The following TXNDC15 variants were observed in gnomAD, a reference collection of about 807,000 sequenced individuals.
The protein encoded by TXNDC15 is thioredoxin domain containing 15.
A neutral mutation model predicts 35.0 loss-of-function variants in TXNDC15; 24 were observed. The ratio of observed to expected loss-of-function variants is 0.68; its 90% confidence interval spans 0.50 to 0.96. TXNDC15 has a LOEUF of 0.96. Among genes scored for constraint, TXNDC15 ranks in the 40% least tolerant of loss-of-function variants. The probability of loss-of-function intolerance (pLI) is 0.00; values close to 1 mark genes in which losing one functional copy is unlikely to be tolerated. For missense variants in TXNDC15, 385 were observed against 453.3 expected (o/e 0.85, Z 1.37); for synonymous variants, 169 against 174.0 (o/e 0.97, Z 0.23).
At chr5:134,894,434 C>A (rs1699263447) in intron 3 of TXNDC15, among the ~76,000 whole-genome samples, 1 of 144,778 alleles carries the variant, frequency 6.9e-6, no homozygotes, top group Non-Finnish European at 1.5e-5. Flanking sequence ...ATGGTGTGAT[C>A]TAGGCTCACT....
At chr5:134,898,706 G>T (rs1405224952) in intron 4 of TXNDC15, among the ~76,000 whole-genome samples, 1 of 152,188 alleles carries the variant, frequency 6.6e-6, no homozygotes, top group Non-Finnish European at 1.5e-5. Context: ...ACAAATCTGG[G>T]AGTCAGAGCA....
intron 4 of TXNDC15, 124 bp downstream of exon 4, chr5:134,896,548 T>G (rs1330593395): frequency 1.6e-6 from 2 of 1,219,900 alleles, no homozygotes; most frequent in African/African-American, 3.1e-5. Context: ...GTTGTAAAAC[T>G]TCTCTTCTAA....
chr5:134,893,683 C>G (rs1750434083), intron 3 of TXNDC15, 28 bp downstream of exon 3: 3 of 1,613,034 alleles, frequency 1.9e-6, no homozygotes, highest in Non-Finnish European at 2.5e-6. Flanking sequence ...GGTTTACGTC[C>G]ATCCTCCTGG....
chr5:134,898,738 G>C (rs141652867), intron 4 of TXNDC15, among the ~76,000 whole-genome samples: 1 of 152,130 alleles, frequency 6.6e-6, no homozygotes, highest in Non-Finnish European at 1.5e-5. Flanking sequence ...CCCTGTTTCC[G>C]TTGGTGGCTT....
intron 2 of TXNDC15, among the ~76,000 whole-genome samples, chr5:134,889,141 C>T (rs558195986): frequency 6.6e-6 from 1 of 152,340 alleles, no homozygotes; most frequent in South Asian, 2.1e-4. Context: ...CTGTGGGACT[C>T]CCACAGGTGT....
At chr5:134,882,948 T>C (rs1298192897) in intron 1 of TXNDC15, among the ~76,000 whole-genome samples, 2 of 152,226 alleles carry the variant, frequency 1.3e-5, no homozygotes, top group African/African-American at 2.4e-5. Flanking sequence ...TCTTATAGAG[T>C]GCAATTTTCA....
intron 1 of TXNDC15, among the ~76,000 whole-genome samples, chr5:134,885,646 G>T (rs1468546501): frequency 6.6e-6 from 1 of 152,162 alleles, no homozygotes; most frequent in Non-Finnish European, 1.5e-5. Context: ...GGTCTCCTTG[G>T]ACTCTTAGCT....
At chr5:134,884,417 T>G (rs549870140) in intron 1 of TXNDC15, among the ~76,000 whole-genome samples, 12 of 151,338 alleles carry the variant, frequency 7.9e-5, no homozygotes, top group Non-Finnish European at 1.6e-4. Flanking sequence ...CCAGGCTAAT[T>G]TTGTATTTTT....
intron 1 of TXNDC15, among the ~76,000 whole-genome samples, chr5:134,884,371 C>T (rs1750232671): frequency 6.7e-6 from 1 of 149,766 alleles, no homozygotes; most frequent in African/African-American, 2.5e-5. Context: ...GCCTCAGCCT[C>T]CCAAAAAGCT....
chr5:134,883,594 A>AAAAAAAAAAAG, intron 1 of TXNDC15, among the ~76,000 whole-genome samples: 2 of 143,804 alleles, frequency 1.4e-5, no homozygotes, highest in African/African-American at 5.0e-5. Flanking sequence ...TCTCAAAAAA[A>AAAAAAAAAAAG]AAAAAAAAAA....
chr5:134,877,727 C>T (rs1410018400), intron 1 of TXNDC15, among the ~76,000 whole-genome samples: 40 of 151,962 alleles, frequency 2.6e-4, no homozygotes, highest in Admixed American at 2.6e-3. Context: ...CCTGCCTCAG[C>T]CTCCCGAGTA....
At chr5:134,880,553 C>T (rs759136480) in intron 1 of TXNDC15, among the ~76,000 whole-genome samples, 4 of 151,878 alleles carry the variant, frequency 2.6e-5, no homozygotes, top group African/African-American at 7.2e-5. Flanking sequence ...TCTCTTGCCT[C>T]GGCCTCCCGA....
At chr5:134,880,102 AC>A (rs1342418301) in intron 1 of TXNDC15, among the ~76,000 whole-genome samples, 1 of 151,928 alleles carries the variant, frequency 6.6e-6, no homozygotes, top group Non-Finnish European at 1.5e-5. Flanking sequence ...GCCCCTTCTT[AC>A]CTGCTTTCTC....
chr5:134,885,104 TAGAGAC>T (rs1750249221), intron 1 of TXNDC15, among the ~76,000 whole-genome samples: 1 of 152,108 alleles, frequency 6.6e-6, no homozygotes, highest in South Asian at 2.1e-4. Context: ...TATATTTTAA[TAGAGAC>T]AGGGTTTCAC....
At chr5:134,888,484 A>T (rs1332885595) in intron 2 of TXNDC15, among the ~76,000 whole-genome samples, 1 of 152,130 alleles carries the variant, frequency 6.6e-6, no homozygotes, top group Non-Finnish European at 1.5e-5. Flanking sequence ...CACCAAAATC[A>T]TAGCATTTTT....
intron 1 of TXNDC15, among the ~76,000 whole-genome samples, chr5:134,883,534 G>C (rs903582595): frequency 6.7e-6 from 1 of 150,240 alleles, no homozygotes; most frequent in African/African-American, 2.5e-5. Context: ...TTGAACCCGG[G>C]AGGTGGTTGT....
At chr5:134,874,583 C>A in intron 1 of TXNDC15, 53 bp downstream of exon 1, 1 of 1,448,104 alleles carries the variant, frequency 6.9e-7, no homozygotes, top group Non-Finnish European at 9.4e-7. Context: ...CTGAGGTCCA[C>A]CCGGGCGACG....
At chr5:134,891,533 T>C (rs1181454837) in intron 2 of TXNDC15, among the ~76,000 whole-genome samples, 1 of 152,180 alleles carries the variant, frequency 6.6e-6, no homozygotes, top group Non-Finnish European at 1.5e-5. Context: ...TGTAAACAGA[T>C]GTACTGTCAT....
At chr5:134,893,709 A>T (rs1331165441) in intron 3 of TXNDC15, 54 bp downstream of exon 3, 2 of 1,607,704 alleles carry the variant, frequency 1.2e-6, no homozygotes, top group South Asian at 2.2e-5. Context: ...GGTTGCAGTT[A>T]TTTGGAGGTC....
Sources: allele counts gnomAD v4.1 joint callset (sites outside exome capture counted in the v4.1 genomes callset), GRCh38; gene constraint gnomAD v4.1.1; transcripts MANE v1.5; gene names NCBI Gene and HGNC (gene_info 2026-07-23, HGNC 2026-07-21).